ROBO2: variants seen among roughly 807,000 people sequenced by gnomAD.
ROBO2 encodes the protein roundabout guidance receptor 2, also known as roundabout homolog 2.
In ROBO2, 53 loss-of-function variants were observed where a neutral mutation model predicts 160.8. The observed-to-expected ratio is 0.33, with a 90% CI of 0.26 to 0.41. The LOEUF is 0.41. Among genes scored for constraint, ROBO2 ranks in the 10% least tolerant of loss-of-function variants. The probability of loss-of-function intolerance (pLI) is 1.00; values close to 1 mark genes in which losing one functional copy is unlikely to be tolerated. For synonymous variants in ROBO2, 664 were observed against 611.7 expected (o/e 1.09, Z -1.26); for missense variants, 1,577 against 1,722.4 (o/e 0.92, Z 1.49).
At chr3:76,390,017 T>C (rs1252490928) in intron 2 of ROBO2, among the ~76,000 whole-genome samples, 1 of 152,166 alleles carries the variant, frequency 6.6e-6, no homozygotes, top group African/African-American at 2.4e-5. Flanking sequence ...GGTTAGCAAA[T>C]TTCTGCCAAT....
At chr3:76,847,537 T>C (rs17014800) in intron 2 of ROBO2, among the ~76,000 whole-genome samples, 19,400 of 152,082 alleles carry the variant, frequency 0.13, 1,392 homozygotes, top group East Asian at 0.24. Context: ...AAATAAAAAA[T>C]CTTGTAAGAA....
At chr3:77,127,122 A>G (rs1178662455) in intron 2 of ROBO2, among the ~76,000 whole-genome samples, 2 of 152,146 alleles carry the variant, frequency 1.3e-5, no homozygotes, top group Non-Finnish European at 2.9e-5. Flanking sequence ...AAAACAAGGT[A>G]GAAATGTTGA....
At chr3:77,572,735 TA>T (rs1487679089) in intron 13 of ROBO2, among the ~76,000 whole-genome samples, 2 of 151,946 alleles carry the variant, frequency 1.3e-5, no homozygotes, top group African/African-American at 4.8e-5. Context: ...ACTGTATTTT[TA>T]TTGAGGCTCT....
intron 2 of ROBO2, among the ~76,000 whole-genome samples, chr3:76,647,723 C>G (rs1242673692): frequency 3.3e-5 from 5 of 151,336 alleles, no homozygotes; most frequent in Non-Finnish European, 7.4e-5. Flanking sequence ...TGAAAAGAAT[C>G]GCCTGTCTGG....
At chr3:77,311,751 A>C (rs1225387062) in intron 2 of ROBO2, among the ~76,000 whole-genome samples, 1 of 152,158 alleles carries the variant, frequency 6.6e-6, no homozygotes, top group Non-Finnish European at 1.5e-5. Flanking sequence ...TTTCTAATAA[A>C]CAACTGTCTC....
At chr3:76,103,403 T>G (rs2069784006) in intron 2 of ROBO2, among the ~76,000 whole-genome samples, 1 of 152,160 alleles carries the variant, frequency 6.6e-6, no homozygotes, top group African/African-American at 2.4e-5. Context: ...TTAAAATAGG[T>G]TTCTAACTGA....
At chr3:76,612,933 C>T (rs2088252473) in intron 2 of ROBO2, among the ~76,000 whole-genome samples, 1 of 151,908 alleles carries the variant, frequency 6.6e-6, no homozygotes, top group African/African-American at 2.4e-5. Context: ...TATGGAATAC[C>T]TTTTGCTATC....
At chr3:76,531,632 T>C (rs1242688819) in intron 2 of ROBO2, among the ~76,000 whole-genome samples, 2 of 150,618 alleles carry the variant, frequency 1.3e-5, no homozygotes, top group African/African-American at 4.8e-5. Context: ...TTTTTTTTTT[T>C]TTTTTGGTAC....
At chr3:76,315,101 G>C (rs1021303836) in intron 2 of ROBO2, among the ~76,000 whole-genome samples, 1 of 152,122 alleles carries the variant, frequency 6.6e-6, no homozygotes, top group Non-Finnish European at 1.5e-5. Flanking sequence ...GCTAGTCTGA[G>C]CAACCACTGA....
chr3:76,615,104 T>C (rs1560238403), intron 2 of ROBO2, among the ~76,000 whole-genome samples: 1 of 152,172 alleles, frequency 6.6e-6, no homozygotes. Flanking sequence ...CCAATGGTTT[T>C]TTGATTTCAC....
intron 2 of ROBO2, among the ~76,000 whole-genome samples, chr3:75,940,896 T>A (rs1386022873): frequency 4.6e-5 from 7 of 152,020 alleles, no homozygotes; most frequent in African/African-American, 1.7e-4. Context: ...ATTTACAGGA[T>A]TCTGGGGAGT....
At chr3:76,687,450 G>A (rs775128401) in intron 2 of ROBO2, among the ~76,000 whole-genome samples, 35 of 151,972 alleles carry the variant, frequency 2.3e-4, no homozygotes, top group Admixed American at 4.0e-4. Flanking sequence ...AAATAAGTAT[G>A]AACACTCCCA....
intron 2 of ROBO2, among the ~76,000 whole-genome samples, chr3:77,164,517 G>C (rs1428435621): frequency 1.4e-4 from 18 of 131,876 alleles, no homozygotes; most frequent in East Asian, 2.6e-4. Context: ...GGCCAGCCGT[G>C]CTGTCCGGGA....
At chr3:76,045,372 G>C (rs1213203017) in intron 2 of ROBO2, among the ~76,000 whole-genome samples, 1 of 151,880 alleles carries the variant, frequency 6.6e-6, no homozygotes, top group Non-Finnish European at 1.5e-5. Flanking sequence ...CATGAGCTGG[G>C]AGCACAGACT....
chr3:77,210,535 A>T (rs1241746628), intron 2 of ROBO2, among the ~76,000 whole-genome samples: 2 of 152,192 alleles, frequency 1.3e-5, no homozygotes, highest in Non-Finnish European at 2.9e-5. Context: ...CTCGGTAAAG[A>T]AACATCAAAT....
chr3:76,555,476 T>C (rs1397246530), intron 2 of ROBO2, among the ~76,000 whole-genome samples: 2 of 147,666 alleles, frequency 1.4e-5, no homozygotes, highest in African/African-American at 5.2e-5. Context: ...AAAGAAAAAA[T>C]AGATCCCTCT....
intron 2 of ROBO2, among the ~76,000 whole-genome samples, chr3:76,937,844 A>G (rs1345512851): frequency 2.0e-5 from 3 of 152,224 alleles, no homozygotes; most frequent in African/African-American, 2.4e-5. Flanking sequence ...CTGGATGGCC[A>G]TCATTGTACA....
chr3:76,109,251 A>G (rs2070101070), intron 2 of ROBO2, among the ~76,000 whole-genome samples: 1 of 151,964 alleles, frequency 6.6e-6, no homozygotes, highest in Non-Finnish European at 1.5e-5. Context: ...TTTCATAGTT[A>G]CATTATAATG....
intron 2 of ROBO2, among the ~76,000 whole-genome samples, chr3:77,215,143 G>A (rs908676516): frequency 2.6e-5 from 4 of 152,334 alleles, no homozygotes; most frequent in East Asian, 3.9e-4. Context: ...CTGGGTTGGG[G>A]AAGTTCTCCT....
Sources: gnomAD v4.1 joint callset for allele counts (sites outside exome capture counted in the v4.1 genomes callset) on GRCh38, gnomAD v4.1.1 for gene constraint, MANE v1.5 for transcripts, NCBI Gene and HGNC (gene_info 2026-07-23, HGNC 2026-07-21) for gene names.